The following CEP170B variants were observed in gnomAD, a reference collection of about 807,000 sequenced individuals.
The protein encoded by CEP170B is centrosomal protein of 170 kDa protein B.
A neutral mutation model predicts 120.6 loss-of-function variants in CEP170B; 55 were observed. The observed-to-expected ratio is 0.46, with a 90% confidence interval of 0.37 to 0.57. The LOEUF (loss-of-function observed/expected upper bound fraction) is 0.57, where lower values mean the gene tolerates loss of function less well. Ranked by LOEUF, CEP170B falls within the 20% of genes least tolerant of loss-of-function variation. CEP170B has a pLI of 0.00. For missense variants in CEP170B, 2,212 were observed against 2,253.3 expected (o/e 0.98, Z 0.37); for synonymous variants, 1,033 against 954.5 (o/e 1.08, Z -1.52).
At chr14:104,893,905 C>A (rs1311804757) in intron 16 of CEP170B, 56 bp downstream of exon 16, 3 of 1,504,374 alleles carry the variant, frequency 2.0e-6, no homozygotes, top group Non-Finnish European at 1.8e-6. Flanking sequence ...GCTGCATGAG[C>A]TGAGACTCAG....
In CEP170B at chr14:104,865,917, TCTC is replaced by T. The variant is rs1313937363; in HGVS notation, c.-28+408_-28+410del. 6.6e-6 allele frequency among the ~76,000 whole-genome samples: 1 copy of T among 151,700 alleles called. No individual in the cohort carries two copies. On this transcript the variant is annotated intron_variant, in intron 1 of 18. Transcript: ENST00000414716. The surrounding 1 kb of genome is among the most constrained non-coding windows in gnomAD (Gnocchi z 6.7). The stretch of plus-strand genomic sequence containing the variant: ...CCTCCGTCTTCCTCCTCCTCCCCTC[TCTC>T]CTCATTTCCCTTCGCCGCCGTCTCC...
chr14:104,878,249 G>A (rs1418286888), intron 4 of CEP170B, among the ~76,000 whole-genome samples, 194 bp from the exon 5 acceptor site: 3 of 152,110 alleles, frequency 2.0e-5, no homozygotes, highest in Admixed American at 2.0e-4. Flanking sequence ...CACTCCCTAG[G>A]ACCCCGAGTC....
rs1896224127 is a variant in CEP170B at position 104,882,761 on chromosome 14, A to G, written c.506A>G (p.Gln169Arg). 6.2e-7 allele frequency: 1 copy of G among 1,612,292 alleles called. No individual in the cohort carries two copies. The highest frequency in any genetic ancestry group is 1.1e-5 in the South Asian group (1 of 91,050). The change falls in exon 7 of 19, where the codon CAG (glutamine) becomes CGG (arginine). Residue 169 changes from glutamine to arginine, a missense_variant. Transcript: ENST00000414716. ...AASYRTPLYG[Q>R]PSWWGEDDGS... ...TCTTACCGCACACCCCTGTATGGGC[A>G]GCCCTCCTGGTGGGGTGAGGACGAT...
At chr14:104,866,048 C>A (rs933735221) in intron 1 of CEP170B, among the ~76,000 whole-genome samples, 1 of 152,362 alleles carries the variant, frequency 6.6e-6, no homozygotes, top group Non-Finnish European at 1.5e-5. Flanking sequence ...CCTTTCCCCG[C>A]CTCACCTCTG....
At position 104,891,334 on chromosome 14, in the gene CEP170B, A is replaced by G. The variant is rs1197505828; in HGVS notation, c.3878+1576A>G. 6.6e-6 allele frequency among the ~76,000 whole-genome samples: 1 copy of G among 151,860 alleles called. No individual in the cohort carries two copies. Among genetic ancestry groups the G allele is most frequent in the Non-Finnish European group, 1.5e-5 (1 of 67,958 alleles). Reference sequence around the variant, plus strand: ...GTCCCTGAAAGGCTGTGGGGCAGGCAGGGGGGGTCCCAGGACCAGGGTGGA... The same window carrying G: ...GTCCCTGAAAGGCTGTGGGGCAGGCGGGGGGGGTCCCAGGACCAGGGTGGA... On this transcript the variant is annotated intron_variant, in intron 13 of 18. Transcript: ENST00000414716. The surrounding 1 kb of genome is among the most constrained non-coding windows in gnomAD (Gnocchi z 4.3).
intron 12 of CEP170B, among the ~76,000 whole-genome samples, chr14:104,888,182 C>T (rs536421383): frequency 2.0e-5 from 3 of 152,232 alleles, no homozygotes; most frequent in South Asian, 4.1e-4. Flanking sequence ...CCCGCAGTCC[C>T]CTGGTGTGGG....
intron 13 of CEP170B, among the ~76,000 whole-genome samples, chr14:104,892,709 G>T (rs971075045): frequency 6.6e-6 from 1 of 152,236 alleles, no homozygotes. Context: ...AAGGGTTTCT[G>T]TGCACCCTTC....
At chr14:104,871,688 CTA>C (rs1895493488) in intron 2 of CEP170B, among the ~76,000 whole-genome samples, 1 of 152,122 alleles carries the variant, frequency 6.6e-6, no homozygotes, top group Non-Finnish European at 1.5e-5. Flanking sequence ...AGACACCTGC[CTA>C]TGTTGTGCTG....
chr14:104,871,782 C>T (rs957073278), intron 2 of CEP170B, among the ~76,000 whole-genome samples: 3 of 152,090 alleles, frequency 2.0e-5, no homozygotes, highest in Admixed American at 1.3e-4. Flanking sequence ...GCTGGGGCTA[C>T]GGGGATGGGA....
chr14:104,866,271 T>C (rs1895200264), intron 1 of CEP170B, among the ~76,000 whole-genome samples: 1 of 152,132 alleles, frequency 6.6e-6, no homozygotes, highest in Non-Finnish European at 1.5e-5. Context: ...CTCGGCTTCA[T>C]TTCGCCTTAA....
At position 104,895,166 on chromosome 14, in the gene CEP170B, C is replaced by A. The variant is rs1363765058; in HGVS notation, c.*208C>A. ...CCCTGTCCAGCCCCATGGCCACCCC[C>A]ACCCCTGCCTCGCCCCCTACAGGCC... On this transcript the variant is annotated 3_prime_UTR_variant, in exon 19 of 19. Coordinates refer to ENST00000414716, the MANE Select transcript of CEP170B (RefSeq NM_001112726.3). The A allele has an allele frequency of 1.8e-6, 1 of 561,706 alleles. No individual in the cohort carries two copies. Among genetic ancestry groups the A allele is most frequent in the Non-Finnish European group, 3.0e-6 (1 of 329,344 alleles). 34.8% of individuals were successfully genotyped at this position (561,706 alleles called of 1,614,324 possible). A position where few individuals can be genotyped will look rare whatever the true frequency, so the allele number is the denominator to read the frequency against.
At chr14:104,882,908 G>T (rs1040919572) in intron 7 of CEP170B, 76 bp downstream of exon 7, 17 of 1,498,344 alleles carry the variant, frequency 1.1e-5, no homozygotes, top group Non-Finnish European at 1.5e-5. Context: ...GCCTGGGCTT[G>T]AGGAGCCCAC....
intron 3 of CEP170B, 59 bp from the exon 4 acceptor site, chr14:104,877,826 G>GCCCCCCCCCCCCCCCCCCCCC: frequency 1.9e-6 from 1 of 534,438 alleles, no homozygotes. Flanking sequence ...CTGCGGCCCT[G>GCCCCCCCCCCCCCCCCCCCCC]CCCACAGCCA....
At chr14:104,890,346 GTGGA>G (rs1280269852) in intron 13 of CEP170B, among the ~76,000 whole-genome samples, 3 of 71,066 alleles carry the variant, frequency 4.2e-5, no homozygotes, top group Admixed American at 1.4e-4. Context: ...GGATGAGTGT[GTGGA>G]TGGATGGATG....
intron 2 of CEP170B, among the ~76,000 whole-genome samples, chr14:104,873,462 G>T (rs1252112393): frequency 6.6e-6 from 1 of 152,076 alleles, no homozygotes; most frequent in East Asian, 1.9e-4. Flanking sequence ...TTTGGGGCCT[G>T]CGGGAAAGGG....
chr14:104,876,895 A>G (rs937055378), intron 3 of CEP170B, among the ~76,000 whole-genome samples: 1 of 152,186 alleles, frequency 6.6e-6, no homozygotes, highest in Non-Finnish European at 1.5e-5. Context: ...CCCTGGCTGC[A>G]AGAGCAGGGT....
intron 3 of CEP170B, 52 bp from the exon 4 acceptor site, chr14:104,877,833 G>GCC: frequency 6.1e-5 from 22 of 359,756 alleles, no homozygotes; most frequent in South Asian, 7.1e-5. Flanking sequence ...CCTGCCCACA[G>GCC]CCACCCACCC....
rs746147590 is a variant in CEP170B at position 104,883,255 on chromosome 14, C to T, written c.798C>T (p.His266=). The T allele has an allele frequency of 2.6e-5, 42 of 1,611,454 alleles. No homozygotes were observed. The highest frequency in any genetic ancestry group is 3.3e-5 in the Non-Finnish European group (39 of 1,179,578). Residue 266 remains histidine (H), a synonymous_variant, in exon 8 of 19, where the codon CAC becomes CAT. Transcript: ENST00000414716. ...GGGAAPVVQS[H]ASFTIEFDDC... ...GAGCGGCCCCTGTGGTGCAGAGCCACGCCTCCTTCACCATCGAGTTTGATG... is the reference window on the plus strand; with the variant it reads ...GAGCGGCCCCTGTGGTGCAGAGCCATGCCTCCTTCACCATCGAGTTTGATG...
At chr14:104,885,920 G>C in intron 10 of CEP170B, 120 bp from the exon 11 acceptor site, 2 of 886,888 alleles carry the variant, frequency 2.3e-6, no homozygotes, top group Non-Finnish European at 3.3e-6. Context: ...GCAGGCCCTG[G>C]GTGGCGCGCA....
Sources: gnomAD v4.1 joint callset for allele counts (sites outside exome capture counted in the v4.1 genomes callset) on GRCh38, gnomAD v4.1.1 for gene constraint, Gnocchi (gnomAD v3.1) non-coding constraint, MANE v1.5 for transcripts, NCBI Gene and HGNC (gene_info 2026-07-23, HGNC 2026-07-21) for gene names.